LUZP2: variants seen among roughly 807,000 people sequenced by gnomAD.
The protein encoded by LUZP2 is leucine zipper protein 2.
A neutral mutation model predicts 51.6 loss-of-function variants in LUZP2; 52 were observed. The ratio of observed to expected loss-of-function variants is 1.01; its 90% CI spans 0.81 to 1.27. The LOEUF (loss-of-function observed/expected upper bound fraction) is 1.27, where lower values mean the gene tolerates loss of function less well. Ranked by LOEUF, LUZP2 falls within the 50% of genes most tolerant of loss-of-function variation. The pLI is 0.00. For synonymous variants in LUZP2, 154 were observed against 137.3 expected, an observed-to-expected ratio of 1.12 and a Z score of -0.85; for missense variants, 436 against 395.4, an observed-to-expected ratio of 1.10 and a Z score of -0.87.
At chr11:25,031,466 C>G (rs1398473945) in intron 9 of LUZP2, among the ~76,000 whole-genome samples, 1 of 152,128 alleles carries the variant, frequency 6.6e-6, no homozygotes, top group Admixed American at 6.6e-5. Context: ...TAAACTTCAG[C>G]TGCAAACATT....
At chr11:24,528,907 A>T (rs1484940984) in intron 1 of LUZP2, among the ~76,000 whole-genome samples, 1 of 151,198 alleles carries the variant, frequency 6.6e-6, no homozygotes, top group Non-Finnish European at 1.5e-5. Flanking sequence ...TATTCTCTTT[A>T]TTGAGTTTAG....
intron 1 of LUZP2, among the ~76,000 whole-genome samples, chr11:24,536,350 C>T (rs1851177798): frequency 6.6e-6 from 1 of 151,772 alleles, no homozygotes; most frequent in South Asian, 2.1e-4. Context: ...TCCTCAGTAG[C>T]ATTTTCTTCT....
chr11:24,927,838 T>C (rs528268266), intron 7 of LUZP2, among the ~76,000 whole-genome samples: 1 of 152,110 alleles, frequency 6.6e-6, no homozygotes, highest in Non-Finnish European at 1.5e-5. Flanking sequence ...GGTATGGTCA[T>C]TATCACGATA....
chr11:24,650,309 A>G (rs1354622222), intron 1 of LUZP2, among the ~76,000 whole-genome samples: 4 of 151,932 alleles, frequency 2.6e-5, no homozygotes, highest in Non-Finnish European at 1.5e-5. Context: ...ACCATATCCC[A>G]TCAAAAACTA....
rs554320457 is a variant in LUZP2 at position 24,829,841 on chromosome 11, G to A, written c.396+66533G>A. On this transcript the variant is annotated intron_variant, in intron 5 of 11. Transcript: ENST00000336930. ...TTTCTAAGTGTCTGTGATTTGATAA[G>A]TCCAGAGTTAACAGCTGACAATGCC... 2.0e-5 allele frequency among the ~76,000 whole-genome samples: 3 copies of A among 152,294 alleles called. No individual in the cohort carries two copies. In the South Asian group the frequency reaches 6.2e-4, roughly 32 times the overall value.
intron 5 of LUZP2, among the ~76,000 whole-genome samples, chr11:24,874,182 A>C (rs948146795): frequency 3.9e-5 from 6 of 152,112 alleles, no homozygotes; most frequent in Non-Finnish European, 7.4e-5. Context: ...AGAGATTCTC[A>C]TTTGCCCAAT....
intron 9 of LUZP2, among the ~76,000 whole-genome samples, chr11:25,028,341 A>T (rs942337544): frequency 6.6e-6 from 1 of 152,110 alleles, no homozygotes; most frequent in Non-Finnish European, 1.5e-5. Context: ...CCCATTTCTC[A>T]TCCCCACTCC....
At chr11:24,990,992 T>G (rs141175044) in intron 9 of LUZP2, among the ~76,000 whole-genome samples, 50 of 152,064 alleles carry the variant, frequency 3.3e-4, no homozygotes, top group Non-Finnish European at 6.0e-4. Flanking sequence ...TTCCATAGGT[T>G]ATTGGAGAAC....
chr11:25,032,151 C>T (rs1857708955), intron 9 of LUZP2, among the ~76,000 whole-genome samples: 1 of 152,104 alleles, frequency 6.6e-6, no homozygotes, highest in South Asian at 2.1e-4. Context: ...GAGTGTATTC[C>T]TCCCTAGCGC....
At chr11:25,017,976 C>G (rs1227309575) in intron 9 of LUZP2, among the ~76,000 whole-genome samples, 1 of 150,868 alleles carries the variant, frequency 6.6e-6, no homozygotes, top group Non-Finnish European at 1.5e-5. Flanking sequence ...TTGTAGTTCT[C>G]CTTGTAGAGA....
chr11:25,044,079 A>ATAT (rs375482123), intron 9 of LUZP2, among the ~76,000 whole-genome samples: 2 of 656 alleles, frequency 3.0e-3, no homozygotes, highest in Non-Finnish European at 0.012. Context: ...TATATCTGAT[A>ATAT]AGACTATATA....
intron 9 of LUZP2, among the ~76,000 whole-genome samples, chr11:24,995,067 A>C (rs1423984655): frequency 6.6e-6 from 1 of 152,222 alleles, no homozygotes; most frequent in Non-Finnish European, 1.5e-5. Context: ...ATAACCACAA[A>C]ATAAATTGAT....
intron 1 of LUZP2, among the ~76,000 whole-genome samples, chr11:24,566,844 A>G (rs1852248386): frequency 6.9e-6 from 1 of 144,744 alleles, no homozygotes; most frequent in Non-Finnish European, 1.5e-5. Context: ...TATATAAGGT[A>G]TATATACATA....
chr11:24,531,431 T>G (rs1850995341), intron 1 of LUZP2, among the ~76,000 whole-genome samples: 1 of 150,940 alleles, frequency 6.6e-6, no homozygotes, highest in Non-Finnish European at 1.5e-5. Flanking sequence ...TTCTTTGTGT[T>G]GACAACATTC....
chr11:24,839,545 T>C (rs535022370), intron 5 of LUZP2, among the ~76,000 whole-genome samples: 1 of 151,848 alleles, frequency 6.6e-6, no homozygotes, highest in Non-Finnish European at 1.5e-5. Context: ...TCAATATTGA[T>C]GAGGAGAAAA....
intron 1 of LUZP2, among the ~76,000 whole-genome samples, chr11:24,618,184 C>A (rs907556738): frequency 6.6e-6 from 1 of 152,080 alleles, no homozygotes; most frequent in African/African-American, 2.4e-5. Flanking sequence ...TGATGAAAGT[C>A]CCGAATCTCC....
At chr11:24,898,399 CAG>C (rs1206165693) in intron 5 of LUZP2, among the ~76,000 whole-genome samples, 2 of 152,138 alleles carry the variant, frequency 1.3e-5, no homozygotes, top group Non-Finnish European at 2.9e-5. Flanking sequence ...CCGAGGTGGG[CAG>C]ATCACAAGGT....
At chr11:25,047,521 T>TA (rs1326985721) in intron 9 of LUZP2, among the ~76,000 whole-genome samples, 1 of 152,128 alleles carries the variant, frequency 6.6e-6, no homozygotes, top group Non-Finnish European at 1.5e-5. Context: ...CCCTTCTTGC[T>TA]AAAAACATAC....
intron 1 of LUZP2, among the ~76,000 whole-genome samples, chr11:24,723,991 A>G (rs1264764613): frequency 1.3e-5 from 2 of 152,194 alleles, no homozygotes; most frequent in Non-Finnish European, 2.9e-5. Flanking sequence ...ATAAGCAAAT[A>G]ATTTTAAGTC....
Sources: gnomAD v4.1 joint callset for allele counts (sites outside exome capture counted in the v4.1 genomes callset) on GRCh38, gnomAD v4.1.1 for gene constraint, MANE v1.5 for transcripts, NCBI Gene and HGNC (gene_info 2026-07-23, HGNC 2026-07-21) for gene names.